Variants in AKAP6 observed in about 807,000 individuals in gnomAD.
AKAP6 encodes the protein A-kinase anchoring protein 6.
In AKAP6, 58 loss-of-function variants were observed where a neutral mutation model predicts 188.5. The observed-to-expected ratio is 0.31, with a 90% confidence interval of 0.25 to 0.38. AKAP6 has a LOEUF of 0.38. AKAP6 is among the 10% of genes least tolerant of loss of function. The probability of loss-of-function intolerance (pLI) is 1.00; values close to 1 mark genes in which losing one functional copy is unlikely to be tolerated. For synonymous variants in AKAP6, 989 were observed against 998.6 expected, an observed-to-expected ratio of 0.99 and a Z score of 0.18; for missense variants, 2,710 against 2,740.0, an observed-to-expected ratio of 0.99 and a Z score of 0.24.
At chr14:32,687,172 C>G (rs1288097081) in intron 8 of AKAP6, among the ~76,000 whole-genome samples, 1 of 151,902 alleles carries the variant, frequency 6.6e-6, no homozygotes, top group South Asian at 2.1e-4. Context: ...TATAACATCC[C>G]CAAAGAGAAG....
intron 7 of AKAP6, among the ~76,000 whole-genome samples, chr14:32,632,377 A>G (rs982442336): frequency 1.3e-5 from 2 of 152,068 alleles, no homozygotes; most frequent in African/African-American, 4.8e-5. Flanking sequence ...TGCCTACCAT[A>G]CATCCTAATA....
chr14:32,788,631 C>A (rs1023439809), intron 12 of AKAP6, among the ~76,000 whole-genome samples: 7 of 151,988 alleles, frequency 4.6e-5, no homozygotes, highest in Non-Finnish European at 8.8e-5. Flanking sequence ...GGAAACCATG[C>A]TTCTCCCATG....
rs547464346 is a variant in AKAP6 at position 32,609,087 on chromosome 14, G to A, written c.2730+8295G>A. Among the ~76,000 whole-genome samples the A allele has an allele frequency of 2.0e-5, 3 of 152,254 alleles. No individual in the cohort carries two copies. The South Asian group carries it at 6.2e-4, about 32-fold the overall frequency. On this transcript the variant is annotated intron_variant, in intron 7 of 13. Transcript: ENST00000280979. The stretch of plus-strand genomic sequence containing the variant: ...CTGGGAGAGCCCTGCCTGCTAAAGG[G>A]ATTACTCCGCTCTGGCTTTTGGGTT...
intron 1 of AKAP6, among the ~76,000 whole-genome samples, chr14:32,408,023 G>C (rs140390359): frequency 6.6e-4 from 101 of 152,294 alleles, no homozygotes; most frequent in African/African-American, 2.3e-3. Context: ...GGGGATGTCA[G>C]AATCTTCCAT....
Position 32,821,612 on chromosome 14 carries a change from AACC to A in AKAP6, c.3801_3803del (p.His1268del). On this transcript the variant is annotated inframe_deletion, in exon 13 of 14. Coordinates refer to ENST00000280979, the MANE Select transcript of AKAP6 (RefSeq NM_004274.5). ...CCCTGGTTATGACGAGGAGGCTGATAACCATGGGGGATCTCAGTATGCCTCAAA... is the reference window on the plus strand; with the variant it reads ...CCCTGGTTATGACGAGGAGGCTGATAATGGGGGATCTCAGTATGCCTCAAA... 2 of 1,613,706 alleles carry A rather than the reference AACC, an allele frequency of 1.2e-6. No individual in the cohort carries two copies. The highest frequency in any genetic ancestry group is 1.7e-6 in the Non-Finnish European group (2 of 1,179,884).
At chr14:32,449,303 T>G (rs1890855367) in intron 2 of AKAP6, among the ~76,000 whole-genome samples, 1 of 151,010 alleles carries the variant, frequency 6.6e-6, no homozygotes, top group South Asian at 2.1e-4. Flanking sequence ...AGATCAGGAG[T>G]TTGAGACCAG....
intron 4 of AKAP6, among the ~76,000 whole-genome samples, chr14:32,565,243 C>G (rs574142043): frequency 2.0e-5 from 3 of 152,112 alleles, no homozygotes; most frequent in African/African-American, 4.8e-5. Context: ...GTTGAGAAAC[C>G]AAATTTATGA....
intron 9 of AKAP6, among the ~76,000 whole-genome samples, chr14:32,722,547 GC>G (rs1317587541): frequency 4.0e-5 from 6 of 151,846 alleles, no homozygotes; most frequent in Non-Finnish European, 8.8e-5. Context: ...GGCCCACCAC[GC>G]CCCCTACCCT....
intron 2 of AKAP6, among the ~76,000 whole-genome samples, chr14:32,467,184 C>A (rs1468953121): frequency 6.7e-6 from 1 of 148,730 alleles, no homozygotes; most frequent in Non-Finnish European, 1.5e-5. Flanking sequence ...TGCACATGAA[C>A]CCCCGAACCT....
At chr14:32,668,892 A>G (rs1362972002) in intron 7 of AKAP6, among the ~76,000 whole-genome samples, 2 of 152,168 alleles carry the variant, frequency 1.3e-5, no homozygotes, top group Non-Finnish European at 2.9e-5. Flanking sequence ...CTTTGATATT[A>G]TTAAATTTTT....
intron 3 of AKAP6, among the ~76,000 whole-genome samples, chr14:32,539,767 T>C (rs1352881046): frequency 6.6e-6 from 1 of 152,192 alleles, no homozygotes; most frequent in African/African-American, 2.4e-5. Flanking sequence ...TCACAGTTGC[T>C]TGTCATTACT....
At chr14:32,509,159 CT>C (rs950349804) in intron 2 of AKAP6, among the ~76,000 whole-genome samples, 9 of 114,698 alleles carry the variant, frequency 7.8e-5, no homozygotes, top group African/African-American at 2.6e-4. Context: ...GAGTCTTGCT[CT>C]GTCTCCAAGG....
intron 12 of AKAP6, among the ~76,000 whole-genome samples, chr14:32,798,416 T>C (rs1305230731): frequency 6.6e-6 from 1 of 152,150 alleles, no homozygotes; most frequent in Non-Finnish European, 1.5e-5. Flanking sequence ...ACTGTAAAGA[T>C]ACATACATAT....
At chr14:32,503,609 T>C (rs770430992) in intron 2 of AKAP6, among the ~76,000 whole-genome samples, 1 of 152,044 alleles carries the variant, frequency 6.6e-6, no homozygotes, top group Non-Finnish European at 1.5e-5. Flanking sequence ...TGGATCCAAC[T>C]TACTTTTTGT....
At chr14:32,427,314 A>T (rs1890068312) in intron 1 of AKAP6, among the ~76,000 whole-genome samples, 1 of 152,190 alleles carries the variant, frequency 6.6e-6, no homozygotes, top group Non-Finnish European at 1.5e-5. Flanking sequence ...GAAAGAGAGC[A>T]AAGGAGGAGA....
chr14:32,557,977 A>G (rs1883765231), intron 4 of AKAP6, among the ~76,000 whole-genome samples: 1 of 152,062 alleles, frequency 6.6e-6, no homozygotes, highest in African/African-American at 2.4e-5. Context: ...CTTCATTACC[A>G]TTCAAACTGG....
At chr14:32,407,800 C>A (rs193152212) in intron 1 of AKAP6, among the ~76,000 whole-genome samples, 23 of 152,264 alleles carry the variant, frequency 1.5e-4, no homozygotes, top group African/African-American at 5.3e-4. Context: ...CATACAAAAT[C>A]CCCACGGATT....
intron 1 of AKAP6, among the ~76,000 whole-genome samples, chr14:32,428,089 A>G (rs1374928303): frequency 6.6e-6 from 1 of 152,194 alleles, no homozygotes; most frequent in Non-Finnish European, 1.5e-5. Flanking sequence ...GCAGGAATCT[A>G]TTTGGCTGAA....
At chr14:32,615,787 G>A (rs1886552420) in intron 7 of AKAP6, among the ~76,000 whole-genome samples, 1 of 151,674 alleles carries the variant, frequency 6.6e-6, no homozygotes, top group African/African-American at 2.4e-5. Flanking sequence ...AGAGAGACGG[G>A]GTTTCACCAT....
Sources: gnomAD v4.1 joint callset for allele counts (sites outside exome capture counted in the v4.1 genomes callset) on GRCh38, gnomAD v4.1.1 for gene constraint, MANE v1.5 for transcripts, NCBI Gene and HGNC (gene_info 2026-07-23, HGNC 2026-07-21) for gene names.